Variants in TNC observed in about 807,000 individuals in gnomAD.
The protein encoded by TNC is tenascin C.
A neutral mutation model predicts 202.4 loss-of-function variants in TNC; 109 were observed. The ratio of observed to expected loss-of-function variants is 0.54; its 90% CI spans 0.46 to 0.63. The LOEUF is 0.63. Among genes scored for constraint, TNC ranks in the 30% least tolerant of loss-of-function variants. The pLI, the probability that TNC is intolerant of heterozygous loss-of-function variation, is 0.00. For missense variants in TNC, 2,756 were observed against 2,833.3 expected (o/e 0.97, Z 0.62); for synonymous variants, 1,007 against 1,089.7 (o/e 0.92, Z 1.50).
At chr9:115,024,242 G>T in intron 26 of TNC, 106 bp from the exon 27 acceptor site, 1 of 1,189,774 alleles carries the variant, frequency 8.4e-7, no homozygotes, top group Non-Finnish European at 1.2e-6. Context: ...CTGGGTGTGG[G>T]ACTGGCCTTG....
At position 115,026,571 on chromosome 9, in the gene TNC, G is replaced by A; in HGVS notation, c.6294C>T (p.Arg2098=). The part of the protein sequence containing the change: ...DKFSVGDAKT[R]YKLKVEGYSG... The stretch of plus-strand genomic sequence containing the variant: ...TGTACCCCTCCACCTTCAGCTTGTA[G>A]CGAGTCTTGGCATCTCCCACGCTGA... The change falls in exon 26 of 28, where the codon CGC becomes CGT. Residue 2098 remains arginine, a synonymous_variant. Coordinates refer to ENST00000350763, the MANE Select transcript of TNC (RefSeq NM_002160.4). 6.2e-7 allele frequency: 1 copy of A among 1,613,978 alleles called. No individual in the cohort carries two copies. Among genetic ancestry groups the A allele is most frequent in the South Asian group, 1.1e-5 (1 of 91,074 alleles).
In TNC at chr9:115,046,413, T is replaced by C; in HGVS notation, c.5122A>G (p.Thr1708Ala). Residue 1708 changes from threonine to alanine, a missense_variant, in exon 17 of 28, where the codon ACA becomes GCA. Coordinates refer to ENST00000350763, the MANE Select transcript of TNC (RefSeq NM_002160.4). ...RSQTVSAIAT[T>A]AMGSPKEVIF... ...CTCTCCTGTTTATTTACAGTACCTG[T>C]TGTTGCTATAGCACTGACTGTCTGG... 6.2e-7 allele frequency: 1 copy of C among 1,613,960 alleles called. No individual in the cohort carries two copies. The highest frequency in any genetic ancestry group is 1.3e-5 in the African/African-American group (1 of 75,022).
In TNC at chr9:115,073,605, G is replaced by A; in HGVS notation, c.3212C>T (p.Thr1071Ile). The A allele has an allele frequency of 6.2e-7, 1 of 1,612,926 alleles. No homozygotes were observed. Among genetic ancestry groups the A allele is most frequent in the East Asian group, 2.2e-5 (1 of 44,832 alleles). ...KSKPARVKAS[T>I]EQAPELENLT... is the part of the protein sequence containing the mutation. ...GAGGAAGCTCAGGGCAGACTCACCA[G>A]TGGATGCCTTCACACGTGCGGGCTT... The change falls in exon 10 of 28, where the codon ACT (threonine) becomes ATT (isoleucine). Residue 1071 changes from threonine (T) to isoleucine (I), a missense_variant and splice_region_variant. Transcript: ENST00000350763.
rs779365863 is a variant in TNC, at chr9:115,064,036, C to T, written c.3520G>A (p.Ala1174Thr). The T allele has an allele frequency of 6.2e-7, 1 of 1,610,650 alleles. No homozygotes were observed. Among genetic ancestry groups the T allele is most frequent in the Non-Finnish European group, 8.5e-7 (1 of 1,177,942 alleles). ...TTGAGGGCATCCCAGCCCACCTCGG[C>T]CACCACGACCTCTCCCAAATTGGGA... ...ETPNLGEVVV[A>T]EVGWDALKLN... The change falls in exon 12 of 28, where the codon GCC becomes ACC. Residue 1174 changes from alanine to threonine, a missense_variant. This residue lies in a region of TNC where 2,559 missense variants were observed against 2,546.0 expected (regional missense o/e 1.01). Transcript: ENST00000350763.
chr9:115,054,968 A>G (rs896959483), intron 15 of TNC, among the ~76,000 whole-genome samples: 8 of 152,166 alleles, frequency 5.3e-5, no homozygotes, highest in African/African-American at 1.7e-4. Context: ...CCTCTCATGC[A>G]ATTCTTGGGT....
intron 18 of TNC, among the ~76,000 whole-genome samples, chr9:115,041,549 G>A (rs1830758336): frequency 6.6e-6 from 1 of 152,208 alleles, no homozygotes; most frequent in South Asian, 2.1e-4. Context: ...GTGCTGCAGT[G>A]TTTATTAATA....
intron 23 of TNC, among the ~76,000 whole-genome samples, 200 bp downstream of exon 23, chr9:115,031,353 G>C (rs1829932158): frequency 6.6e-6 from 1 of 152,250 alleles, no homozygotes; most frequent in African/African-American, 2.4e-5. Context: ...ACTGAATCCA[G>C]ATGGGCTTCC....
intron 24 of TNC, 139 bp from the exon 25 acceptor site, chr9:115,029,595 G>T: frequency 1.3e-6 from 1 of 798,926 alleles, no homozygotes; most frequent in Non-Finnish European, 2.0e-6. Flanking sequence ...TGTAACTTTG[G>T]GTGGTCACCT....
rs1275035479 is a variant in TNC at position 115,059,919 on chromosome 9, C to A, written c.4117G>T (p.Ala1373Ser). 3.1e-6 allele frequency: 5 copies of A among 1,613,998 alleles called. No individual in the cohort carries two copies. The African/African-American group carries it at 6.7e-5, about 22-fold the overall frequency. The change falls in exon 14 of 28, where the codon GCC (alanine) becomes TCC (serine). Residue 1373 changes from alanine (A) to serine (S), a missense_variant. By Grantham distance (99) the Ala-to-Ser change is moderately conservative. Coordinates refer to ENST00000350763, the MANE Select transcript of TNC (RefSeq NM_002160.4). ...ACCTGAATGACAAAGTGCTCATAGG[C>A]ATTGTCAGCTGCGGTCCAGTTGAGT... ...LRLNWTAADNAYEHFVIQVQE... is the reference protein window; with the variant it reads ...LRLNWTAADNSYEHFVIQVQE...
At chr9:115,111,399 C>CTCTCTTTTTTTTTTTTTTTT (rs1174066886) in intron 1 of TNC, among the ~76,000 whole-genome samples, 5 of 71,362 alleles carry the variant, frequency 7.0e-5, no homozygotes, top group East Asian at 6.5e-4. Context: ...CTCTCTCTCT[C>CTCTCTTTTTTTTTTTTTTTT]TTTTTTTTTT....
Position 115,086,089 on chromosome 9 carries a change from C to T in TNC, c.1642G>A (p.Val548Met), listed in dbSNP as rs61729478. 18,000 of 1,613,418 alleles carry T rather than the reference C, an allele frequency of 0.011. 129 individuals are homozygous for T. Among genetic ancestry groups the T allele is most frequent in the Non-Finnish European group, 0.013 (15,174 of 1,179,438 alleles). The change falls in exon 3 of 28, where the codon GTG (valine) becomes ATG (methionine). Residue 548 changes from valine (V) to methionine (M), a missense_variant. Physicochemically the swap from Val to Met is conservative, Grantham distance 21 (BLOSUM62 1). Around this residue, in one of 2 missense-constraint regions of TNC, gnomAD observed 2,559 missense variants for 2,546.0 expected, o/e 1.01. Transcript: ENST00000350763. ...TTGCCCATAAATCCTTCATGGCACA[C>T]GCACTGCCCATTCACACAGCGACCC... is the stretch of plus-strand genomic sequence containing the variant. ...GQGRCVNGQC[V>M]CHEGFMGKDC...
rs1206029600 is a variant in TNC, at chr9:115,086,439, C to G, written c.1292G>C (p.Gly431Ala). 2.5e-6 allele frequency: 4 copies of G among 1,614,024 alleles called. No individual in the cohort carries two copies. The highest frequency in any genetic ancestry group is 3.4e-6 in the Non-Finnish European group (4 of 1,180,032). ...GQCVCDEGYT[G>A]EDCSQLRCPN... The stretch of plus-strand genomic sequence containing the variant: ...GCACCGTAGCTGGCTGCAGTCCTCC[C>G]CAGTATAGCCCTCATCACACACACA... The change falls in exon 3 of 28, where the codon GGG (glycine) becomes GCG (alanine). Residue 431 changes from glycine (G) to alanine (A), a missense_variant. Transcript: ENST00000350763.
chr9:115,061,067 T>C (rs143304245), intron 13 of TNC, among the ~76,000 whole-genome samples: 1 of 152,308 alleles, frequency 6.6e-6, no homozygotes, highest in African/African-American at 2.4e-5. Flanking sequence ...TGTGGGATGC[T>C]TCTGAGGGTT....
In TNC at chr9:115,091,172, C is replaced by CA. The variant is rs933990014; in HGVS notation, c.-136-19dup. 1.6e-6 allele frequency: 1 copy of CA among 640,030 alleles called. No individual in the cohort carries two copies. The highest frequency in any genetic ancestry group is 2.0e-5 in the South Asian group (1 of 50,102). 39.6% of individuals were successfully genotyped at this position (640,030 alleles called of 1,614,324 possible). A position where few individuals can be genotyped will look rare whatever the true frequency, so the allele number is the denominator to read the frequency against. On this transcript the variant is annotated intron_variant, in intron 1 of 27. Coordinates refer to ENST00000350763, the MANE Select transcript of TNC (RefSeq NM_002160.4). ...ATTATTTTCTACAAGCAAAGATGAA[C>CA]AAAAAAATTATGAGTATCTACTATT... is the stretch of plus-strand genomic sequence containing the variant.
At chr9:115,112,053 G>C (rs1046304623) in intron 1 of TNC, among the ~76,000 whole-genome samples, 1 of 152,216 alleles carries the variant, frequency 6.6e-6, no homozygotes, top group African/African-American at 2.4e-5. Flanking sequence ...TGCAGTAATA[G>C]ATAATGAATA....
chr9:115,114,073 CT>C (rs1837275982), intron 1 of TNC, among the ~76,000 whole-genome samples: 2 of 152,302 alleles, frequency 1.3e-5, no homozygotes, highest in South Asian at 4.1e-4. Flanking sequence ...CCATCTCTGT[CT>C]TTTACATTGA....
In TNC at chr9:115,046,729, T is replaced by A. The variant is rs762053292; in HGVS notation, c.4853-47A>T. On this transcript the variant is annotated intron_variant, in intron 16 of 27. Coordinates refer to ENST00000350763, the MANE Select transcript of TNC (RefSeq NM_002160.4). Reference sequence around the variant, plus strand: ...GGAGAAGGAGGAAAGACAACATCATTTACCAGTCCGTGCAATCTTCTCTCC... The same window carrying A: ...GGAGAAGGAGGAAAGACAACATCATATACCAGTCCGTGCAATCTTCTCTCC... The A allele has an allele frequency of 5.1e-5, 82 of 1,603,136 alleles. 1 individual carries two copies. In the South Asian group the frequency reaches 7.9e-4, roughly 15 times the overall value.
intron 10 of TNC, among the ~76,000 whole-genome samples, chr9:115,072,929 G>A (rs997577231): frequency 9.2e-5 from 14 of 152,188 alleles, no homozygotes; most frequent in African/African-American, 3.1e-4. Context: ...TTTAGCCACC[G>A]AGTAACCATG....
intron 6 of TNC, among the ~76,000 whole-genome samples, chr9:115,079,105 T>C (rs182822010): frequency 2.0e-5 from 3 of 152,264 alleles, no homozygotes; most frequent in Non-Finnish European, 4.4e-5. Flanking sequence ...TTCTGTACAG[T>C]TTGAGTCAAT....
Sources: allele counts gnomAD v4.1 joint callset (sites outside exome capture counted in the v4.1 genomes callset), GRCh38; gene constraint gnomAD v4.1.1; regional missense constraint gnomAD v4.1.1; transcripts MANE v1.5; gene names NCBI Gene and HGNC (gene_info 2026-07-23, HGNC 2026-07-21).